Variants in ZNF423 observed in about 807,000 individuals in gnomAD.
ZNF423 encodes zinc finger protein 423.
A neutral mutation model predicts 95.8 loss-of-function variants in ZNF423; 12 were observed. The observed-to-expected ratio is 0.13, with a 90% confidence interval of 0.08 to 0.20. The LOEUF (loss-of-function observed/expected upper bound fraction) is 0.20. Ranked by LOEUF, ZNF423 falls within the 10% of genes least tolerant of loss-of-function variation. The pLI, the probability that ZNF423 is intolerant of heterozygous loss-of-function variation, is 1.00. For synonymous variants in ZNF423, 749 were observed against 711.9 expected (o/e 1.05, Z -0.83); for missense variants, 1,316 against 1,737.1 (o/e 0.76, Z 4.31).
chr16:49,857,194 G>A (rs1318124899), upstream of ZNF423, among the ~76,000 whole-genome samples: 3 of 150,564 alleles, frequency 2.0e-5, no homozygotes, highest in Non-Finnish European at 3.0e-5. The surrounding 1 kb of genome is among the most constrained non-coding windows in gnomAD (Gnocchi z 6.2). Context: ...CTGATCCCGT[G>A]GGGCGCCCCG....
intron 2 of ZNF423, among the ~76,000 whole-genome samples, chr16:49,776,732 C>T (rs1461248138): frequency 5.3e-5 from 8 of 152,204 alleles, no homozygotes; most frequent in African/African-American, 1.9e-4. Context: ...TCTAGGTCCA[C>T]ACCAGGGTCA....
At chr16:49,660,735 C>T (rs939523239) in intron 3 of ZNF423, among the ~76,000 whole-genome samples, 3 of 151,564 alleles carry the variant, frequency 2.0e-5, no homozygotes, top group African/African-American at 4.8e-5. Flanking sequence ...TCAGGAAGCA[C>T]GGACGGAGGC....
chr16:49,835,633 C>A (rs187838494), intron 1 of ZNF423, among the ~76,000 whole-genome samples: 183 of 152,310 alleles, frequency 1.2e-3, no homozygotes, highest in African/African-American at 4.4e-3. Flanking sequence ...CCAGCTCCCC[C>A]ACCCGGCATG....
chr16:49,817,782 G>C (rs2034879475), intron 1 of ZNF423, among the ~76,000 whole-genome samples: 1 of 152,128 alleles, frequency 6.6e-6, no homozygotes, highest in Non-Finnish European at 1.5e-5. Context: ...TGCAGTTTGA[G>C]TCTATCCATC....
chr16:49,687,087 T>C (rs2151942752), intron 3 of ZNF423, among the ~76,000 whole-genome samples: 1 of 151,846 alleles, frequency 6.6e-6, no homozygotes, highest in South Asian at 2.1e-4. Flanking sequence ...GCACCCCTAT[T>C]TCATCTTGGG....
chr16:49,573,615 A>T (rs1163048477), intron 5 of ZNF423, among the ~76,000 whole-genome samples: 1 of 152,124 alleles, frequency 6.6e-6, no homozygotes. Context: ...ATCTGGGCCT[A>T]CCCTGATGAC....
chr16:49,756,500 G>A (rs2033729179), intron 2 of ZNF423, among the ~76,000 whole-genome samples: 1 of 152,196 alleles, frequency 6.6e-6, no homozygotes, highest in Non-Finnish European at 1.5e-5. Flanking sequence ...CCTCCCCGGA[G>A]TTCCAACACT....
chr16:49,681,107 G>A (rs961824534), intron 3 of ZNF423, among the ~76,000 whole-genome samples: 10 of 152,170 alleles, frequency 6.6e-5, no homozygotes, highest in African/African-American at 2.2e-4. Flanking sequence ...GCCCAAACTC[G>A]ACAGTCAGGG....
intron 1 of ZNF423, among the ~76,000 whole-genome samples, chr16:49,839,750 C>T (rs1456567771): frequency 6.6e-6 from 1 of 152,264 alleles, no homozygotes; most frequent in East Asian, 1.9e-4. Context: ...GCCGGCTCGC[C>T]GCCCTCCCAG....
At chr16:49,538,540 C>T (rs1348669064) in intron 5 of ZNF423, among the ~76,000 whole-genome samples, 1 of 152,192 alleles carries the variant, frequency 6.6e-6, no homozygotes, top group Non-Finnish European at 1.5e-5. Flanking sequence ...CATCATTTCC[C>T]TCTCCTGCTC....
intron 3 of ZNF423, among the ~76,000 whole-genome samples, chr16:49,652,526 C>G (rs963560816): frequency 6.6e-6 from 1 of 152,148 alleles, no homozygotes; most frequent in Non-Finnish European, 1.5e-5. Flanking sequence ...GGTTCTCCTG[C>G]CAGCCTCCTG....
At chr16:49,772,686 G>C (rs1036514367) in intron 2 of ZNF423, among the ~76,000 whole-genome samples, 1 of 152,194 alleles carries the variant, frequency 6.6e-6, no homozygotes, top group Non-Finnish European at 1.5e-5. Flanking sequence ...ATGGAGAATG[G>C]TTTGGTCCAT....
chr16:49,761,206 A>T (rs2033827378), intron 2 of ZNF423, among the ~76,000 whole-genome samples: 1 of 152,226 alleles, frequency 6.6e-6, no homozygotes, highest in Admixed American at 6.5e-5. Context: ...TGTCTACCTC[A>T]TAGGACTGCT....
At chr16:49,743,293 C>A (rs2033453199) in intron 2 of ZNF423, among the ~76,000 whole-genome samples, 2 of 152,214 alleles carry the variant, frequency 1.3e-5, no homozygotes, top group Admixed American at 1.3e-4. Flanking sequence ...GGTCAGGCCT[C>A]CCCTGTGAGC....
intron 1 of ZNF423, among the ~76,000 whole-genome samples, chr16:49,809,517 C>T (rs1219003838): frequency 6.6e-6 from 1 of 152,202 alleles, no homozygotes; most frequent in African/African-American, 2.4e-5. Flanking sequence ...GAACTCACAC[C>T]CAGGTCCTGC....
intron 5 of ZNF423, among the ~76,000 whole-genome samples, chr16:49,557,461 T>C (rs1349490585): frequency 6.6e-6 from 1 of 152,094 alleles, no homozygotes; most frequent in Non-Finnish European, 1.5e-5. Context: ...GGGAATTACA[T>C]GAGGGGATCC....
intron 7 of ZNF423, among the ~76,000 whole-genome samples, chr16:49,514,769 G>T (rs752414003): frequency 3.3e-5 from 5 of 152,252 alleles, no homozygotes; most frequent in African/African-American, 7.2e-5. Context: ...CGCGGGCCCG[G>T]CTCACGGAAT....
intron 3 of ZNF423, among the ~76,000 whole-genome samples, chr16:49,641,061 A>C (rs1259208878): frequency 6.6e-6 from 1 of 151,970 alleles, no homozygotes; most frequent in Non-Finnish European, 1.5e-5. Flanking sequence ...CTTCACTCAG[A>C]CTCACTCAAA....
intron 3 of ZNF423, among the ~76,000 whole-genome samples, chr16:49,648,592 T>A (rs1229328910): frequency 1.3e-5 from 2 of 150,704 alleles, no homozygotes; most frequent in East Asian, 3.9e-4. Flanking sequence ...GTGGAGGTTG[T>A]GGTGAGCCAA....
Sources: allele counts gnomAD v4.1 joint callset (sites outside exome capture counted in the v4.1 genomes callset), GRCh38; gene constraint gnomAD v4.1.1; non-coding constraint Gnocchi (gnomAD v3.1); transcripts MANE v1.5; gene names NCBI Gene and HGNC (gene_info 2026-07-23, HGNC 2026-07-21).